ULBP1: variants seen among roughly 807,000 people sequenced by gnomAD.
The protein encoded by ULBP1 is UL16 binding protein 1, also known as UL16-binding protein 1.
In ULBP1, 28 loss-of-function variants were observed where a neutral mutation model predicts 25.3. The observed-to-expected ratio is 1.10, with a 90% confidence interval of 0.82 to 1.51. ULBP1 has a LOEUF of 1.51. Ranked by LOEUF, ULBP1 falls within the 40% of genes most tolerant of loss-of-function variation. ULBP1 has a pLI of 0.00. For missense variants in ULBP1, 348 were observed against 290.9 expected (o/e 1.20, Z -1.43); for synonymous variants, 129 against 103.0 (o/e 1.25, Z -1.53).
intron 3 of ULBP1, among the ~76,000 whole-genome samples, chr6:149,969,764 C>T (rs930564155): frequency 1.3e-5 from 2 of 152,232 alleles, no homozygotes; most frequent in Non-Finnish European, 2.9e-5. Flanking sequence ...GGGACATCAC[C>T]TCCTCTTTCT....
intron 1 of ULBP1, among the ~76,000 whole-genome samples, chr6:149,967,187 G>C (rs1293952005): frequency 6.6e-6 from 1 of 152,246 alleles, no homozygotes; most frequent in Non-Finnish European, 1.5e-5. Flanking sequence ...GGACCTGACA[G>C]AGGTGTCCAT....
chr6:149,969,506 C>T, intron 3 of ULBP1, 146 bp downstream of exon 3: 5 of 1,100,814 alleles, frequency 4.5e-6, no homozygotes, highest in South Asian at 1.5e-5. Context: ...CCTGGCATGC[C>T]TGTGCTCTCT....
intron 1 of ULBP1, among the ~76,000 whole-genome samples, chr6:149,968,352 C>T (rs1396195756): frequency 3.3e-5 from 5 of 152,158 alleles, no homozygotes; most frequent in East Asian, 3.9e-4. Flanking sequence ...TGACTGATGT[C>T]GGCACAGAGC....
rs778937302 is a variant in ULBP1 at position 149,969,248 on chromosome 6, G to A, written c.513G>A (p.Lys171=). 1.2e-6 allele frequency: 2 copies of A among 1,614,246 alleles called. No individual in the cohort carries two copies. The highest frequency in any genetic ancestry group is 2.2e-5 in the South Asian group (2 of 91,092). The change falls in exon 3 of 5, where the codon AAG becomes AAA. Residue 171 remains lysine (K), a synonymous_variant. Coordinates refer to ENST00000229708, the MANE Select transcript of ULBP1 (RefSeq NM_025218.4). Reference sequence around the variant, plus strand: ...CTGGAGCCAAGAAGATGACAGAGAAGTGGGAGAAGAACAGGGATGTGACCA... The same window carrying A: ...CTGGAGCCAAGAAGATGACAGAGAAATGGGAGAAGAACAGGGATGTGACCA... ...LHPGAKKMTE[K]WEKNRDVTMF...
At chr6:149,964,803 A>C (rs1325596970) in intron 1 of ULBP1, among the ~76,000 whole-genome samples, 1 of 123,732 alleles carries the variant, frequency 8.1e-6, no homozygotes, top group African/African-American at 3.2e-5. Flanking sequence ...GATCCCTCCG[A>C]ACATCGTGAT....
intron 3 of ULBP1, 82 bp from the exon 4 acceptor site, chr6:149,969,934 C>T (rs2114714212): frequency 6.6e-7 from 1 of 1,513,442 alleles, no homozygotes; most frequent in East Asian, 2.5e-5. Flanking sequence ...TCCAGGATGA[C>T]CTGGGGTGGC....
chr6:149,968,285 C>T (rs1779239008), intron 1 of ULBP1, among the ~76,000 whole-genome samples: 1 of 152,234 alleles, frequency 6.6e-6, no homozygotes, highest in Non-Finnish European at 1.5e-5. Context: ...GGGTCCTCCT[C>T]ATCCAGGCCT....
At position 149,964,020 on chromosome 6, in the gene ULBP1, G is replaced by A; in HGVS notation, c.-30G>A. The A allele has an allele frequency of 6.2e-7, 1 of 1,612,154 alleles. No individual in the cohort carries two copies. The highest frequency in any genetic ancestry group is 8.5e-7 in the Non-Finnish European group (1 of 1,178,592). On this transcript the variant is annotated 5_prime_UTR_variant, in exon 1 of 5. Coordinates refer to ENST00000229708, the MANE Select transcript of ULBP1 (RefSeq NM_025218.4). Reference sequence around the variant, plus strand: ...GTGAGCCTCGAAGGGAACCATCAGCGCCTCCTGTCCACGGAGCTCCAGGTC... The same window carrying A: ...GTGAGCCTCGAAGGGAACCATCAGCACCTCCTGTCCACGGAGCTCCAGGTC...
rs1178611715 is a variant in ULBP1 at position 149,972,185 on chromosome 6, A to G, written c.*839A>G. The G allele has an allele frequency of 6.6e-6, 1 of 152,154 alleles. No homozygotes were observed. Among genetic ancestry groups the G allele is most frequent in the Non-Finnish European group, 1.5e-5 (1 of 68,004 alleles). The allele number at this position is 152,154 out of a possible 1,614,324, so 9.4% of individuals were successfully genotyped here. A position where few individuals can be genotyped will look rare whatever the true frequency, so the allele number is the denominator to read the frequency against. ...ATGATTATTTTATTTAGTAAATAAA[A>G]TAATAGAGAGCCCAGAAATCAACCT... On this transcript the variant is annotated 3_prime_UTR_variant, in exon 5 of 5. Transcript: ENST00000229708.
rs1380627593 is a variant in ULBP1, at chr6:149,969,297, G to C, written c.562G>C (p.Gly188Arg). The C allele has an allele frequency of 1.2e-6, 2 of 1,614,238 alleles. No individual in the cohort carries two copies. The highest frequency in any genetic ancestry group is 1.7e-6 in the Non-Finnish European group (2 of 1,180,040). ...VTMFFQKISL[G>R]DCKMWLEEFL... ...CATGTTCTTCCAGAAGATTTCACTG[G>C]GGGATTGTAAGATGTGGCTTGAAGA... The change falls in exon 3 of 5, where the codon GGG (glycine) becomes CGG (arginine). Residue 188 changes from glycine (G) to arginine (R), a missense_variant. Gly to Arg is a moderately radical substitution (Grantham distance 125). Transcript: ENST00000229708.
chr6:149,964,072 C>A lies in ULBP1; in HGVS notation c.23C>A (p.Ala8Glu), dbSNP rs563903877. 11 of 1,614,206 alleles carry A rather than the reference C, an allele frequency of 6.8e-6. No homozygotes were observed. Among genetic ancestry groups the A allele is most frequent in the Non-Finnish European group, 9.3e-6 (11 of 1,180,038 alleles). MAAAASP[A>E]FLLCLPLLHL... Reference sequence around the variant, plus strand: ...ACAATGGCAGCGGCCGCCAGCCCCGCGTTCCTTCTGTGCCTCCCGCTTCTG... The same window carrying A: ...ACAATGGCAGCGGCCGCCAGCCCCGAGTTCCTTCTGTGCCTCCCGCTTCTG... The change falls in exon 1 of 5, where the codon GCG becomes GAG. Residue 8 changes from alanine to glutamate, a missense_variant. Transcript: ENST00000229708.
Position 149,973,426 on chromosome 6 carries a change from C to A in ULBP1, c.*2080C>A, listed in dbSNP as rs928112212. 1 of 152,092 alleles carries A rather than the reference C, an allele frequency of 6.6e-6. No individual in the cohort carries two copies. Among genetic ancestry groups the A allele is most frequent in the African/African-American group, 2.4e-5 (1 of 41,412 alleles). 9.4% of individuals were successfully genotyped at this position (152,092 alleles called of 1,614,324 possible). A position where few individuals can be genotyped will look rare whatever the true frequency, so the allele number is the denominator to read the frequency against. On this transcript the variant is annotated 3_prime_UTR_variant, in exon 5 of 5. Transcript: ENST00000229708. ...CCAAGCCTCAGCTTCTCAAATTCTACCCATGTAACAAACCTGTATATGTAC... is the reference window on the plus strand; with the variant it reads ...CCAAGCCTCAGCTTCTCAAATTCTAACCATGTAACAAACCTGTATATGTAC...
At chr6:149,967,896 T>G (rs116058388) in intron 1 of ULBP1, among the ~76,000 whole-genome samples, 2,212 of 152,234 alleles carry the variant, frequency 0.015, 64 homozygotes, top group African/African-American at 0.051. Flanking sequence ...CTTTATATGC[T>G]GGGTATACAA....
intron 1 of ULBP1, among the ~76,000 whole-genome samples, chr6:149,968,213 G>A (rs1227065306): frequency 6.6e-6 from 1 of 152,172 alleles, no homozygotes; most frequent in Non-Finnish European, 1.5e-5. Flanking sequence ...CTGTGCTGGA[G>A]CATCCCAGGG....
At chr6:149,968,531 T>A in intron 1 of ULBP1, 76 bp from the exon 2 acceptor site, 1 of 1,528,036 alleles carries the variant, frequency 6.5e-7, no homozygotes, top group South Asian at 1.3e-5. Flanking sequence ...TCACTTGCAG[T>A]CACCATAAGT....
Position 149,972,654 on chromosome 6 carries a change from T to G in ULBP1, c.*1308T>G, listed in dbSNP as rs561712070. ...AGAATCTACAAGGAACTTAAACAAT[T>G]CAACAAGCAAGAAGAAAAAACCCAA... On this transcript the variant is annotated 3_prime_UTR_variant, in exon 5 of 5. Transcript: ENST00000229708. 2.6e-5 allele frequency: 4 copies of G among 152,114 alleles called. No individual in the cohort carries two copies. Among genetic ancestry groups the G allele is most frequent in the Admixed American group, 2.6e-4 (4 of 15,278 alleles). The allele number at this position is 152,114 out of a possible 1,614,324, so 9.4% of individuals were successfully genotyped here.
rs1355690365 is a variant in ULBP1 at position 149,973,600 on chromosome 6, A to T, written c.*2254A>T. On this transcript the variant is annotated 3_prime_UTR_variant, in exon 5 of 5. Transcript: ENST00000229708. ...AAAAGATAAAATCTAGTCATTTAAG[A>T]TAATCATAAGTTGTATGATGATAAT... The T allele has an allele frequency of 6.6e-6, 1 of 152,252 alleles. No individual in the cohort carries two copies. Among genetic ancestry groups the T allele is most frequent in the African/African-American group, 2.4e-5 (1 of 41,474 alleles). 9.4% of individuals were successfully genotyped at this position (152,252 alleles called of 1,614,324 possible). A position where few individuals can be genotyped will look rare whatever the true frequency, so the allele number is the denominator to read the frequency against.
At position 149,972,295 on chromosome 6, in the gene ULBP1, G is replaced by A. The variant is rs1391429971; in HGVS notation, c.*949G>A. The A allele has an allele frequency of 2.6e-5, 4 of 152,006 alleles. No individual in the cohort carries two copies. Among genetic ancestry groups the A allele is most frequent in the Admixed American group, 1.3e-4 (2 of 15,276 alleles). The allele number at this position is 152,006 out of a possible 1,614,324, so 9.4% of individuals were successfully genotyped here. A position where few individuals can be genotyped will look rare whatever the true frequency, so the allele number is the denominator to read the frequency against. On this transcript the variant is annotated 3_prime_UTR_variant, in exon 5 of 5. Coordinates refer to ENST00000229708, the MANE Select transcript of ULBP1 (RefSeq NM_025218.4). ...TCGAAAATTAGTGCTGGAATATCTG[G>A]CCAACCATATGCAGAAGAATGAAAC...
Position 149,968,735 on chromosome 6 carries a change from A to C in ULBP1, c.214A>C (p.Lys72Gln), listed in dbSNP as rs1242629871. ...LHYDCVNHKA[K>Q]AFASLGKKVN... ...CTATGACTGTGTTAACCACAAGGCCAAAGCCTTTGCTTCTCTGGGGAAGAA... is the reference window on the plus strand; with the variant it reads ...CTATGACTGTGTTAACCACAAGGCCCAAGCCTTTGCTTCTCTGGGGAAGAA... The change falls in exon 2 of 5, where the codon AAA (lysine) becomes CAA (glutamine). Residue 72 changes from lysine to glutamine, a missense_variant. Transcript: ENST00000229708. The C allele has an allele frequency of 6.8e-6, 11 of 1,614,286 alleles. No homozygotes were observed. The highest frequency in any genetic ancestry group is 2.2e-5 in the East Asian group (1 of 44,892).
Sources: allele counts gnomAD v4.1 joint callset (sites outside exome capture counted in the v4.1 genomes callset), GRCh38; gene constraint gnomAD v4.1.1; transcripts MANE v1.5; gene names NCBI Gene and HGNC (gene_info 2026-07-23, HGNC 2026-07-21).